Variants in HK1 observed in about 807,000 individuals in gnomAD.
HK1 encodes hexokinase 1, also known as hexokinase-1.
HK1 carries 28 observed loss-of-function variants against 91.6 expected under a neutral mutation model. That is an observed-to-expected ratio of 0.31 (90% CI 0.23 to 0.42). HK1 has a LOEUF of 0.42. Ranked by LOEUF, HK1 falls within the 10% of genes least tolerant of loss-of-function variation. The pLI is 1.00. For synonymous variants in HK1, 430 were observed against 468.1 expected (o/e 0.92, Z 1.05); for missense variants, 770 against 1,219.8 (o/e 0.63, Z 5.49).
At chr10:69,336,925 G>A (rs772986626) in intron 1 of HK1, among the ~76,000 whole-genome samples, 9 of 151,954 alleles carry the variant, frequency 5.9e-5, no homozygotes, top group East Asian at 1.9e-4. Context: ...GATTACAAGC[G>A]TGAGCCACCG....
chr10:69,382,797 G>A lies in HK1; in HGVS notation c.1570+6G>A. The A allele has an allele frequency of 6.2e-7, 1 of 1,608,668 alleles. No individual in the cohort carries two copies. Among genetic ancestry groups the A allele is most frequent in the Non-Finnish European group, 8.5e-7 (1 of 1,178,492 alleles). ...GAGAACTCCCGACGGGACCGGTGAG[G>A]GCCTGCTGGGGGCTGACATGCCTGT... On this transcript the variant is annotated splice_donor_region_variant and intron_variant, in intron 10 of 17. Coordinates refer to ENST00000359426, the MANE Select transcript of HK1 (RefSeq NM_000188.3).
chr10:69,281,709 A>G (rs1258701213), intron 1 of HK1, among the ~76,000 whole-genome samples: 4 of 152,188 alleles, frequency 2.6e-5, no homozygotes, highest in Non-Finnish European at 5.9e-5. Context: ...TAGTAGGAAA[A>G]AAGGAAGGGT....
At chr10:69,305,809 T>G (rs1437919468) in intron 5 of HK1, among the ~76,000 whole-genome samples, 4 of 149,728 alleles carry the variant, frequency 2.7e-5, no homozygotes, top group African/African-American at 9.9e-5. Flanking sequence ...GCCGAGATGA[T>G]GCCACTGCAC....
chr10:69,389,281 G>T lies in HK1; in HGVS notation c.2020G>T (p.Val674Phe). ...TGCTTATGAGGAGCCCACCTGTGAG[G>T]TTGGACTCATTGTTGGTGAGTGTCC... The part of the protein sequence containing the change: ...TCAYEEPTCE[V>F]GLIVGTGSNA... Residue 674 changes from valine (V) to phenylalanine (F), a missense_variant, in exon 14 of 18, where the codon GTT becomes TTT. Physicochemically the swap from Val to Phe is conservative, Grantham distance 50. This residue lies in a region of HK1 where 152 missense variants were observed against 211.1 expected (regional missense o/e 0.72). Transcript: ENST00000359426. The T allele has an allele frequency of 6.2e-7, 1 of 1,610,540 alleles. No individual in the cohort carries two copies. The highest frequency in any genetic ancestry group is 8.5e-7 in the Non-Finnish European group (1 of 1,177,998).
At chr10:69,296,059 T>C in intron 4 of HK1, 1 of 279,974 alleles carries the variant, frequency 3.6e-6, no homozygotes, top group Non-Finnish European at 6.8e-6. Context: ...CAGTCAGGCA[T>C]GCCAGAAACT....
At chr10:69,294,877 AAAT>A (rs1446923098) in intron 3 of HK1, among the ~76,000 whole-genome samples, 1 of 151,198 alleles carries the variant, frequency 6.6e-6, no homozygotes, top group Non-Finnish European at 1.5e-5. Context: ...ATAAATAAAT[AAAT>A]AAGCCAGGTG....
chr10:69,394,824 TG>T, intron 15 of HK1, 125 bp from the exon 16 acceptor site: 1 of 921,134 alleles, frequency 1.1e-6, no homozygotes, highest in Non-Finnish European at 1.8e-6. Context: ...AGCACAGGGC[TG>T]GGCACATGGC....
chr10:69,276,118 A>AAAAAATATAT lies in HK1; in HGVS notation c.-391+6011_-391+6012insAAAATATATA. ...AAAAAAAAAAAAAAAAAAAAAAAAA[A>AAAAAATATAT]ATACATATATATATATATATACACA... is the stretch of plus-strand genomic sequence containing the variant. On this transcript the variant is annotated intron_variant, in intron 1 of 21. Transcript: ENST00000360289. 4.0e-3 allele frequency among the ~76,000 whole-genome samples: 152 copies of AAAAAATATAT among 38,258 alleles called. 17 individuals carry two copies. The highest frequency in any genetic ancestry group is 8.0e-3 in the African/African-American group (106 of 13,306). The allele number at this position is 38,258 out of a possible 152,430, so 25.1% of individuals were successfully genotyped here.
intron 17 of HK1, among the ~76,000 whole-genome samples, chr10:69,399,727 C>T (rs1363990092): frequency 2.0e-5 from 3 of 152,030 alleles, no homozygotes; most frequent in Non-Finnish European, 2.9e-5. Context: ...CATGTCTCAC[C>T]TTATGAATAG....
intron 1 of HK1, among the ~76,000 whole-genome samples, chr10:69,332,164 G>A (rs898411685): frequency 3.9e-5 from 6 of 152,146 alleles, no homozygotes; most frequent in African/African-American, 1.4e-4. Context: ...GTTGGACAGT[G>A]CTCTGCTAGA....
intron 17 of HK1, among the ~76,000 whole-genome samples, chr10:69,400,687 G>A (rs1169619472): frequency 1.3e-5 from 2 of 152,184 alleles, no homozygotes; most frequent in Admixed American, 6.5e-5. Context: ...ATTCGCAGTT[G>A]GGCCTCCCTG....
At chr10:69,327,299 T>G (rs1050329600) in intron 1 of HK1, among the ~76,000 whole-genome samples, 7 of 152,186 alleles carry the variant, frequency 4.6e-5, no homozygotes, top group African/African-American at 1.7e-4. Context: ...CAGCCAGTTT[T>G]AAACTCTTAT....
At position 69,389,269 on chromosome 10, in the gene HK1, C is replaced by A; in HGVS notation, c.2008C>A (p.Pro670Thr). ...GTMMTCAYEE[P>T]TCEVGLIVGT... is the part of the protein sequence containing the mutation. ...CATGATGACCTGTGCTTATGAGGAGCCCACCTGTGAGGTTGGACTCATTGT... is the reference window on the plus strand; with the variant it reads ...CATGATGACCTGTGCTTATGAGGAGACCACCTGTGAGGTTGGACTCATTGT... Residue 670 changes from proline (P) to threonine (T), a missense_variant, in exon 14 of 18, where the codon CCC becomes ACC. By Grantham distance (38) the Pro-to-Thr change is conservative (BLOSUM62 -1). Around this residue, in one of 7 missense-constraint regions of HK1, gnomAD observed 152 missense variants for 211.1 expected, o/e 0.72. Coordinates refer to ENST00000359426, the MANE Select transcript of HK1 (RefSeq NM_000188.3). 6.2e-7 allele frequency: 1 copy of A among 1,612,234 alleles called. No individual in the cohort carries two copies. Among genetic ancestry groups the A allele is most frequent in the Admixed American group, 1.7e-5 (1 of 59,800 alleles).
chr10:69,328,092 C>A (rs1847486301), intron 1 of HK1, among the ~76,000 whole-genome samples: 1 of 152,298 alleles, frequency 6.6e-6, no homozygotes, highest in African/African-American at 2.4e-5. Context: ...CCGGGTAGGG[C>A]AGGCTTATCT....
intron 4 of HK1, among the ~76,000 whole-genome samples, chr10:69,367,974 T>TA: frequency 6.6e-6 from 1 of 152,348 alleles, no homozygotes; most frequent in Admixed American, 6.5e-5. Context: ...AGTCACCACT[T>TA]ACAAATGGCG....
intron 16 of HK1, among the ~76,000 whole-genome samples, chr10:69,398,336 G>GA (rs1334499875): frequency 6.6e-6 from 1 of 152,210 alleles, no homozygotes; most frequent in Non-Finnish European, 1.5e-5. Flanking sequence ...TACCAGCTAG[G>GA]AAAAATAAAC....
chr10:69,344,360 G>C (rs961348087), intron 2 of HK1, among the ~76,000 whole-genome samples: 2 of 152,186 alleles, frequency 1.3e-5, no homozygotes, highest in African/African-American at 4.8e-5. Flanking sequence ...AGAACATGAA[G>C]AACTCCAGAA....
chr10:69,360,128 C>A, intron 3 of HK1, 83 bp downstream of exon 3: 2 of 1,315,192 alleles, frequency 1.5e-6, no homozygotes, highest in Non-Finnish European at 2.2e-6. Flanking sequence ...AAAGCACTGG[C>A]ATCCCAAGCC....
intron 3 of HK1, among the ~76,000 whole-genome samples, chr10:69,289,067 G>A (rs964328159): frequency 4.6e-5 from 7 of 152,034 alleles, no homozygotes; most frequent in South Asian, 2.1e-4. Context: ...ATTACAAGCC[G>A]CTCTGGTGTT....
Sources: allele counts gnomAD v4.1 joint callset (sites outside exome capture counted in the v4.1 genomes callset), GRCh38; gene constraint gnomAD v4.1.1; regional missense constraint gnomAD v4.1.1; transcripts MANE v1.5; gene names NCBI Gene and HGNC (gene_info 2026-07-23, HGNC 2026-07-21).